UNC5D: variants seen among roughly 807,000 people sequenced by gnomAD.
The protein encoded by UNC5D is netrin receptor UNC5D.
UNC5D carries 39 observed loss-of-function variants against 105.4 expected under a neutral mutation model. That is an observed-to-expected ratio of 0.37 (90% CI 0.29 to 0.48). The LOEUF (loss-of-function observed/expected upper bound fraction) is 0.48, where lower values mean the gene tolerates loss of function less well. Ranked by LOEUF, UNC5D falls within the 20% of genes least tolerant of loss-of-function variation. UNC5D has a pLI of 0.98. For synonymous variants in UNC5D, 452 were observed against 450.4 expected, an observed-to-expected ratio of 1.00 and a Z score of -0.04; for missense variants, 991 against 1,202.4, an observed-to-expected ratio of 0.82 and a Z score of 2.60.
intron 1 of UNC5D, among the ~76,000 whole-genome samples, chr8:35,307,220 C>T (rs1365442756): frequency 2.6e-5 from 4 of 152,140 alleles, no homozygotes; most frequent in African/African-American, 4.8e-5. Flanking sequence ...GTCCATGGGC[C>T]GCAGGTTGGA....
chr8:35,292,785 C>G (rs570977269), intron 1 of UNC5D, among the ~76,000 whole-genome samples: 1 of 139,790 alleles, frequency 7.2e-6, no homozygotes, highest in Non-Finnish European at 1.5e-5. Context: ...GGTGCAATCT[C>G]GGCTCACTAC....
chr8:35,690,203 G>A (rs1342781012), intron 7 of UNC5D, among the ~76,000 whole-genome samples: 2 of 152,188 alleles, frequency 1.3e-5, no homozygotes, highest in African/African-American at 4.8e-5. Flanking sequence ...GAAGGAGAAA[G>A]GGTGAAGTCT....
chr8:35,551,794 G>C (rs1816163740), intron 2 of UNC5D, among the ~76,000 whole-genome samples: 1 of 151,402 alleles, frequency 6.6e-6, no homozygotes, highest in African/African-American at 2.4e-5. Flanking sequence ...CTCCAGCTGG[G>C]TGACAGAGCA....
intron 1 of UNC5D, among the ~76,000 whole-genome samples, chr8:35,280,864 A>T (rs889305367): frequency 6.6e-6 from 1 of 152,152 alleles, no homozygotes; most frequent in East Asian, 1.9e-4. Flanking sequence ...CTAATGCTCA[A>T]TTCTAATGAT....
At chr8:35,247,128 A>G (rs1168112051) in intron 1 of UNC5D, among the ~76,000 whole-genome samples, 6 of 152,076 alleles carry the variant, frequency 3.9e-5, no homozygotes, top group African/African-American at 1.4e-4. Context: ...GCTTATAATA[A>G]CAAAAGTAAT....
At chr8:35,409,558 C>CT (rs1414348528) in intron 1 of UNC5D, among the ~76,000 whole-genome samples, 1 of 151,884 alleles carries the variant, frequency 6.6e-6, no homozygotes, top group African/African-American at 2.4e-5. Context: ...GGATATGTGT[C>CT]TTTTTAAATC....
intron 1 of UNC5D, among the ~76,000 whole-genome samples, chr8:35,345,102 T>C (rs1052123664): frequency 6.6e-6 from 1 of 152,096 alleles, no homozygotes; most frequent in Admixed American, 6.6e-5. Flanking sequence ...TATTAACTTT[T>C]GTGTTTGCTA....
At chr8:35,245,654 T>C (rs979890589) in intron 1 of UNC5D, among the ~76,000 whole-genome samples, 1 of 152,148 alleles carries the variant, frequency 6.6e-6, no homozygotes, top group African/African-American at 2.4e-5. Context: ...TTTTCTAAAG[T>C]TTAGCAGCTA....
At chr8:35,244,894 T>C (rs2128804359) in intron 1 of UNC5D, among the ~76,000 whole-genome samples, 1 of 152,104 alleles carries the variant, frequency 6.6e-6, no homozygotes, top group South Asian at 2.1e-4. Context: ...TTCGTGCCTG[T>C]AGTCCCAGCT....
At chr8:35,536,895 C>T (rs1284340933) in intron 1 of UNC5D, among the ~76,000 whole-genome samples, 1 of 152,074 alleles carries the variant, frequency 6.6e-6, no homozygotes, top group East Asian at 1.9e-4. Context: ...ACTCGGGAGG[C>T]TGAGGCAGGA....
intron 1 of UNC5D, among the ~76,000 whole-genome samples, chr8:35,373,491 A>G (rs1802535342): frequency 6.6e-6 from 1 of 152,212 alleles, no homozygotes; most frequent in Non-Finnish European, 1.5e-5. Context: ...TAAACATCAC[A>G]TAATATGATT....
At chr8:35,781,729 A>G (rs1296375858) in intron 16 of UNC5D, among the ~76,000 whole-genome samples, 1 of 152,138 alleles carries the variant, frequency 6.6e-6, no homozygotes, top group African/African-American at 2.4e-5. Flanking sequence ...CATTTCCCAA[A>G]TTGAGAAACT....
intron 4 of UNC5D, among the ~76,000 whole-genome samples, chr8:35,677,677 A>C (rs960721814): frequency 6.6e-6 from 1 of 152,166 alleles, no homozygotes; most frequent in Non-Finnish European, 1.5e-5. Context: ...ATAAAAAAAC[A>C]GTTCCACAGT....
chr8:35,777,985 G>T (rs993345378), intron 16 of UNC5D, among the ~76,000 whole-genome samples: 1 of 152,112 alleles, frequency 6.6e-6, no homozygotes, highest in African/African-American at 2.4e-5. Flanking sequence ...GATTTACTAT[G>T]ATCACACTAA....
intron 4 of UNC5D, among the ~76,000 whole-genome samples, chr8:35,600,326 G>T (rs1198574355): frequency 2.0e-5 from 3 of 152,138 alleles, no homozygotes; most frequent in Non-Finnish European, 4.4e-5. Flanking sequence ...CCAGTAATGG[G>T]ATGGCTGGTT....
At chr8:35,635,004 G>C (rs189839267) in intron 4 of UNC5D, among the ~76,000 whole-genome samples, 1 of 152,044 alleles carries the variant, frequency 6.6e-6, no homozygotes, top group African/African-American at 2.4e-5. Context: ...GACCTCAGGC[G>C]ATCCACCCGC....
intron 1 of UNC5D, among the ~76,000 whole-genome samples, chr8:35,359,922 C>T (rs143409017): frequency 7.9e-4 from 120 of 152,234 alleles, no homozygotes; most frequent in African/African-American, 2.8e-3. Context: ...AATTACTGGA[C>T]CATTCTGACA....
intron 1 of UNC5D, among the ~76,000 whole-genome samples, chr8:35,391,177 A>G (rs960192335): frequency 2.6e-5 from 4 of 152,228 alleles, no homozygotes; most frequent in Admixed American, 6.5e-5. Flanking sequence ...CTGAAGCAAC[A>G]TATTTGTTCA....
At chr8:35,590,560 T>C (rs1218205171) in intron 3 of UNC5D, among the ~76,000 whole-genome samples, 1 of 152,158 alleles carries the variant, frequency 6.6e-6, no homozygotes, top group East Asian at 1.9e-4. Flanking sequence ...AATGCACTGG[T>C]TTATAGTTAA....
Sources: allele counts gnomAD v4.1 joint callset (sites outside exome capture counted in the v4.1 genomes callset), GRCh38; gene constraint gnomAD v4.1.1; transcripts MANE v1.5; gene names NCBI Gene and HGNC (gene_info 2026-07-23, HGNC 2026-07-21).